Variants in ITIH6 observed in about 807,000 individuals in gnomAD.
ITIH6 encodes the protein inter-alpha-trypsin inhibitor heavy chain family member 6.
A neutral mutation model predicts 58.2 loss-of-function variants in ITIH6; 60 were observed. The observed-to-expected ratio is 1.03, with a 90% CI of 0.84 to 1.28. The LOEUF (loss-of-function observed/expected upper bound fraction) is 1.28, where lower values mean the gene tolerates loss of function less well. ITIH6 is among the 50% of genes most tolerant of loss of function. The probability of loss-of-function intolerance (pLI) is 0.00; values close to 1 mark genes in which losing one functional copy is unlikely to be tolerated. For missense variants in ITIH6, 1,290 were observed against 1,021.1 expected (o/e 1.26, Z -3.59); for synonymous variants, 493 against 417.4 (o/e 1.18, Z -2.21).
At chrX:54,763,294 C>T (rs1376298707) in intron 6 of ITIH6, among the ~76,000 whole-genome samples, 1 of 111,233 alleles carries the variant, frequency 9.0e-6, no homozygotes, top group East Asian at 2.8e-4. Context: ...GAGCTAAGCA[C>T]CATACTCTTG....
Position 54,749,180 on chromosome X carries a change from T to G in ITIH6, c.*715A>C, listed in dbSNP as rs1167340423. The G allele has an allele frequency of 8.9e-6, 1 of 111,837 alleles. No individual in the cohort carries two copies. 9.2% of individuals were successfully genotyped at this position (111,837 alleles called of 1,213,427 possible). A position where few individuals can be genotyped will look rare whatever the true frequency, so the allele number is the denominator to read the frequency against. On this transcript the variant is annotated 3_prime_UTR_variant, in exon 13 of 13. Transcript: ENST00000218436. Reference sequence around the variant, plus strand: ...TTTTGTTAATTAATTAATTCATTCTTTTAACAAATATTTACTAAGCACCTA... The same window carrying G: ...TTTTGTTAATTAATTAATTCATTCTGTTAACAAATATTTACTAAGCACCTA...
intron 4 of ITIH6, among the ~76,000 whole-genome samples, chrX:54,789,815 C>CGTG (rs1477092386): frequency 8.8e-6 from 1 of 113,085 alleles, no homozygotes; most frequent in Non-Finnish European, 1.9e-5. Context: ...GTAGAATGAT[C>CGTG]GTGCAATCTT....
At chrX:54,753,890 C>T in intron 10 of ITIH6, 40 bp downstream of exon 10, 1 of 1,193,929 alleles carries the variant, frequency 8.4e-7, no homozygotes, top group Non-Finnish European at 1.1e-6. Flanking sequence ...ACAAGCTGCC[C>T]TGTACTCAAA....
At chrX:54,754,133 A>T (rs1928436415) in intron 9 of ITIH6, among the ~76,000 whole-genome samples, 168 bp from the exon 10 acceptor site, 1 of 111,849 alleles carries the variant, frequency 8.9e-6, no homozygotes. Flanking sequence ...AGCCCAACCA[A>T]ACTATTGTTA....
intron 6 of ITIH6, among the ~76,000 whole-genome samples, chrX:54,770,792 A>T (rs984649191): frequency 1.8e-5 from 2 of 112,442 alleles, no homozygotes; most frequent in Non-Finnish European, 3.8e-5. Flanking sequence ...TTCCTTCTCC[A>T]ACACTTTTCC....
Position 54,797,197 on chromosome X carries a change from A to G in ITIH6, c.103-101T>C, listed in dbSNP as rs1929459330. The G allele has an allele frequency of 6.2e-6, 4 of 649,989 alleles. No homozygotes were observed. The African/African-American group carries it at 6.7e-5, about 11-fold the overall frequency. The allele number at this position is 649,989 out of a possible 1,213,427, so 53.6% of individuals were successfully genotyped here. On this transcript the variant is annotated intron_variant, in intron 1 of 12. Transcript: ENST00000218436. Reference sequence around the variant, plus strand: ...AAGATTCCTACACAGGCCTCAAAGTATACAGGTGGATAAACTAAGGCCTAG... The same window carrying G: ...AAGATTCCTACACAGGCCTCAAAGTGTACAGGTGGATAAACTAAGGCCTAG...
intron 8 of ITIH6, among the ~76,000 whole-genome samples, chrX:54,755,640 G>A (rs1928469764): frequency 9.1e-6 from 1 of 109,972 alleles, no homozygotes; most frequent in Non-Finnish European, 1.9e-5. Flanking sequence ...GACAAAGCAG[G>A]TCAGATGATT....
At chrX:54,776,906 A>G (rs1602062605) in intron 5 of ITIH6, among the ~76,000 whole-genome samples, 1 of 112,089 alleles carries the variant, frequency 8.9e-6, no homozygotes, top group South Asian at 3.8e-4. Context: ...GTTTTACAAA[A>G]GTAGAGGAGA....
At chrX:54,797,203 G>C (rs980318021) in intron 1 of ITIH6, 107 bp from the exon 2 acceptor site, 18 of 621,316 alleles carry the variant, frequency 2.9e-5, no homozygotes, top group Non-Finnish European at 4.1e-5. Flanking sequence ...AAGTATACAG[G>C]TGGATAAACT....
At chrX:54,772,177 A>G (rs949117197) in intron 6 of ITIH6, among the ~76,000 whole-genome samples, 6 of 112,584 alleles carry the variant, frequency 5.3e-5, no homozygotes, top group Admixed American at 9.4e-5. Flanking sequence ...ATAAAAAAGA[A>G]TGAAATCCTG....
intron 2 of ITIH6, 42 bp downstream of exon 2, chrX:54,796,900 A>G (rs1929452574): frequency 4.3e-6 from 5 of 1,170,958 alleles, no homozygotes; most frequent in South Asian, 1.8e-5. Context: ...GAACAAATAT[A>G]TGCACAAATG....
At chrX:54,756,290 C>A (rs759838924) in intron 8 of ITIH6, among the ~76,000 whole-genome samples, 2 of 111,421 alleles carry the variant, frequency 1.8e-5, no homozygotes, top group Non-Finnish European at 3.8e-5. Flanking sequence ...CACATTCATT[C>A]TGTGACCAGA....
At chrX:54,759,315 C>G (rs1366210744) in intron 7 of ITIH6, among the ~76,000 whole-genome samples, 2 of 111,483 alleles carry the variant, frequency 1.8e-5, no homozygotes, top group Admixed American at 9.5e-5. Flanking sequence ...AGCACCCCCC[C>G]CTCCAACCTT....
chrX:54,778,214 T>G (rs749904827), intron 5 of ITIH6, among the ~76,000 whole-genome samples: 1,707 of 106,455 alleles, frequency 0.016, 31 homozygotes, highest in African/African-American at 0.057. Flanking sequence ...TTTTTTTTTT[T>G]GACAGAGTCT....
chrX:54,792,063 A>G lies in ITIH6; in HGVS notation c.258-27T>C, dbSNP rs755373391. 12 of 1,034,577 alleles carry G rather than the reference A, an allele frequency of 1.2e-5. No homozygotes were observed. The East Asian group carries it at 3.6e-4, about 31-fold the overall frequency. 85.3% of individuals were successfully genotyped at this position (1,034,577 alleles called of 1,213,427 possible). A position where few individuals can be genotyped will look rare whatever the true frequency, so the allele number is the denominator to read the frequency against. ...TAATGGGGCAGGAAAGAGGAGGGAC[A>G]GTAGAGACAGAGAAAATAAAGAGTT... On this transcript the variant is annotated intron_variant, in intron 2 of 12. Transcript: ENST00000218436.
rs1248355592 is a variant in ITIH6 at position 54,759,888 on chromosome X, C to A, written c.943G>T (p.Ala315Ser). ...GAGATGATGTTGAAGTAGTCATTGG[C>A]TTGAAGGTCACTGAGGATCACATTC... ...AMNVILSDLQ[A>S]NDYFNIISFS... is the part of the protein sequence containing the mutation. Residue 315 changes from alanine (A) to serine (S), a missense_variant, in exon 7 of 13, where the codon GCC (alanine) becomes TCC (serine). Physicochemically the swap from Ala to Ser is moderately conservative, Grantham distance 99 (BLOSUM62 1). Transcript: ENST00000218436. The A allele has an allele frequency of 8.3e-7, 1 of 1,210,319 alleles. No individual in the cohort carries two copies. Among genetic ancestry groups the A allele is most frequent in the Non-Finnish European group, 1.1e-6 (1 of 894,444 alleles).
At chrX:54,764,066 T>A (rs1463424179) in intron 6 of ITIH6, among the ~76,000 whole-genome samples, 1 of 111,881 alleles carries the variant, frequency 8.9e-6, no homozygotes, top group Non-Finnish European at 1.9e-5. Context: ...CCTTTGCTTT[T>A]GATTTATCTG....
At chrX:54,761,692 G>A (rs1483177538) in intron 6 of ITIH6, among the ~76,000 whole-genome samples, 1 of 110,844 alleles carries the variant, frequency 9.0e-6, no homozygotes, top group Admixed American at 9.5e-5. Flanking sequence ...TATTAAATAG[G>A]GAATCCTTTC....
In ITIH6 at chrX:54,751,080, C is replaced by T; in HGVS notation, c.3653G>A (p.Ser1218Asn). The change falls in exon 12 of 13, where the codon AGT becomes AAT. Residue 1218 changes from serine to asparagine, a missense_variant. Ser to Asn is a conservative substitution (Grantham distance 46). Coordinates refer to ENST00000218436, the MANE Select transcript of ITIH6 (RefSeq NM_198510.3). The part of the protein sequence containing the change: ...LVLRHRYRHP[S>N]TLQLPHLGFY... ...CCCCAGGTGGGGTAGTTGCAGGGTA[C>T]TGGGATGCCTGTAGCGGTGTCGGAG... The T allele has an allele frequency of 8.3e-7, 1 of 1,201,486 alleles. No individual in the cohort carries two copies. The highest frequency in any genetic ancestry group is 1.1e-6 in the Non-Finnish European group (1 of 890,418).
Sources: gnomAD v4.1 joint callset for allele counts (sites outside exome capture counted in the v4.1 genomes callset) on GRCh38, gnomAD v4.1.1 for gene constraint, MANE v1.5 for transcripts, NCBI Gene and HGNC (gene_info 2026-07-23, HGNC 2026-07-21) for gene names.